Variants in CAPRIN2 observed in about 807,000 individuals in gnomAD.
CAPRIN2 encodes caprin family member 2.
A neutral mutation model predicts 130.4 loss-of-function variants in CAPRIN2; 66 were observed. That is an observed-to-expected ratio of 0.51 (90% CI 0.42 to 0.62). The LOEUF is 0.62. Among genes scored for constraint, CAPRIN2 ranks in the 20% least tolerant of loss-of-function variants. The probability of loss-of-function intolerance (pLI) is 0.00; values close to 1 mark genes in which losing one functional copy is unlikely to be tolerated. For synonymous variants in CAPRIN2, 471 were observed against 444.1 expected, an observed-to-expected ratio of 1.06 and a Z score of -0.76; for missense variants, 1,185 against 1,246.6, an observed-to-expected ratio of 0.95 and a Z score of 0.74.
At chr12:30,716,698 G>T in intron 12 of CAPRIN2, 22 bp from the exon 15 acceptor site, 1 of 1,604,004 alleles carries the variant, frequency 6.2e-7, no homozygotes, top group South Asian at 1.1e-5. Context: ...AGGACACACT[G>T]AGTCATTTGG....
chr12:30,741,106 C>T (rs1268811209), exon 3 of CAPRIN2: 1 of 1,586,456 alleles, frequency 6.3e-7, no homozygotes, highest in Non-Finnish European at 8.6e-7. Flanking sequence ...TCTACAGCTT[C>T]CTACCAAATA....
At chr12:30,754,680 C>A (rs1026750861), upstream of CAPRIN2, 2 of 152,712 alleles carry the variant, frequency 1.3e-5, no homozygotes, top group African/African-American at 4.8e-5. Context: ...GCCGCCCAGA[C>A]CTGCCCACCC....
Position 30,727,005 on chromosome 12 carries a change from GCTAT to G in CAPRIN2, c.1783-921_1783-918del, listed in dbSNP as rs1171972811. 5.3e-5 allele frequency among the ~76,000 whole-genome samples: 8 copies of G among 152,066 alleles called. No homozygotes were observed. In the East Asian group the frequency reaches 1.5e-3, roughly 29 times the overall value. ...AAAAACCCTACAACTTCAATATAAC[GCTAT>G]CTGTCCCACAAAAGCAAATTAAATA... On this transcript the variant is annotated intron_variant, in intron 8 of 16. Transcript: ENST00000298892.
At chr12:30,723,297 G>C in exon 11 of CAPRIN2, 1 of 1,612,076 alleles carries the variant, frequency 6.2e-7, no homozygotes, top group Non-Finnish European at 8.5e-7. Context: ...TGACTGGACA[G>C]ATTTTGTTCT....
At chr12:30,722,307 G>A (rs536547287) in intron 11 of CAPRIN2, among the ~76,000 whole-genome samples, 4 of 152,226 alleles carry the variant, frequency 2.6e-5, no homozygotes, top group African/African-American at 9.6e-5. Context: ...CATCCAGGAA[G>A]CTTTTAAAAA....
chr12:30,753,448 A>C lies in CAPRIN2; in HGVS notation c.316T>G (p.Ser106Ala), dbSNP rs777538120. The C allele has an allele frequency of 3.0e-5, 48 of 1,614,022 alleles. 1 individual carries two copies. In the South Asian group the frequency reaches 5.2e-4, roughly 17 times the overall value. ...GGAGATGCAGCAGAACTCAGAGTAG[A>C]CTGCAGGGGGCTCAAGGCCCGCTGG... Residue 106 changes from serine to alanine, a missense_variant, in exon 1 of 17, where the codon TCT becomes GCT. Around this residue, in one of 2 missense-constraint regions of CAPRIN2, gnomAD observed 1,104 missense variants for 1,104.3 expected, o/e 1.00. Coordinates refer to ENST00000298892, the Ensembl canonical transcript of CAPRIN2.
chr12:30,715,424 C>T lies in CAPRIN2; in HGVS notation c.2318-283G>A, dbSNP rs184899885. On this transcript the variant is annotated intron_variant, in intron 13 of 16. Coordinates refer to ENST00000298892, the Ensembl canonical transcript of CAPRIN2. ...GTAAAATAAGCTAGTTTCAAAAGCA[C>T]AAATATTGTATACCACTTATATGAG... The T allele has an allele frequency of 2.7e-3, 1,402 of 513,242 alleles. 5 individuals carry two copies. Among genetic ancestry groups the T allele is most frequent in the Admixed American group, 4.8e-3 (214 of 44,420 alleles). The allele number at this position is 513,242 out of a possible 1,614,324, so 31.8% of individuals were successfully genotyped here. A position where few individuals can be genotyped will look rare whatever the true frequency, so the allele number is the denominator to read the frequency against.
At chr12:30,722,894 ACT>A (rs1409346268) in intron 11 of CAPRIN2, among the ~76,000 whole-genome samples, 1 of 152,090 alleles carries the variant, frequency 6.6e-6, no homozygotes, top group Non-Finnish European at 1.5e-5. Flanking sequence ...ACAGAGTGAG[ACT>A]CTGTCTCAAT....
chr12:30,721,825 T>C (rs929004180), intron 11 of CAPRIN2, among the ~76,000 whole-genome samples: 1 of 152,202 alleles, frequency 6.6e-6, no homozygotes, highest in Non-Finnish European at 1.5e-5. Flanking sequence ...AGACTGGGGA[T>C]TGAGTTTTAA....
chr12:30,728,570 A>AG, intron 8 of CAPRIN2, 78 bp downstream of exon 9: 1 of 1,245,214 alleles, frequency 8.0e-7, no homozygotes, highest in Non-Finnish European at 1.1e-6. Flanking sequence ...AAAAAAAAAA[A>AG]GAGAACTAAA....
rs1389660563 is a variant in CAPRIN2, at chr12:30,711,586, C to T, written c.2645G>A (p.Gly882Asp). 2.5e-6 allele frequency: 4 copies of T among 1,613,716 alleles called. No individual in the cohort carries two copies. Among genetic ancestry groups the T allele is most frequent in the Non-Finnish European group, 3.4e-6 (4 of 1,179,654 alleles). ...CTTACCTCTCGAATTTGCTCGTGGA[C>T]CACCAGATGTCCCTCCTCGCTTATA... is the stretch of plus-strand genomic sequence containing the variant. The change falls in exon 16 of 17, where the codon GGT becomes GAT. Residue 882 changes from glycine (G) to aspartate (D), a missense_variant. By Grantham distance (94) the Gly-to-Asp change is moderately conservative. This residue lies in a region of CAPRIN2 where 1,104 missense variants were observed against 1,104.3 expected (regional missense o/e 1.00). Coordinates refer to ENST00000298892, the Ensembl canonical transcript of CAPRIN2.
chr12:30,738,503 A>G (rs1364898424), intron 3 of CAPRIN2, among the ~76,000 whole-genome samples: 1 of 152,218 alleles, frequency 6.6e-6, no homozygotes, highest in Non-Finnish European at 1.5e-5. Context: ...ACTGGCAAAG[A>G]TTTTGTAACA....
Position 30,730,224 on chromosome 12 carries a change from C to CT in CAPRIN2, c.1104+14dup. On this transcript the variant is annotated intron_variant, in intron 7 of 16. Transcript: ENST00000298892. ...TGAAAAATCAACATCAGCAAATTGTCTTTCAGTATCTTACCTCTTGTGGTT... is the reference window on the plus strand; with the variant it reads ...TGAAAAATCAACATCAGCAAATTGTCTTTTCAGTATCTTACCTCTTGTGGTT... The CT allele has an allele frequency of 1.2e-6, 2 of 1,603,514 alleles. No individual in the cohort carries two copies. Among genetic ancestry groups the CT allele is most frequent in the Non-Finnish European group, 1.7e-6 (2 of 1,170,644 alleles).
At chr12:30,749,686 T>C (rs1042228720) in intron 2 of CAPRIN2, among the ~76,000 whole-genome samples, 1 of 152,112 alleles carries the variant, frequency 6.6e-6, no homozygotes, top group Non-Finnish European at 1.5e-5. Context: ...AGGAGCAGGT[T>C]TTGGGGAACA....
chr12:30,720,532 G>T (rs1216312166), intron 12 of CAPRIN2: 1 of 235,022 alleles, frequency 4.3e-6, no homozygotes, highest in Non-Finnish European at 8.4e-6. Context: ...AAATATAGTG[G>T]AAAACTTGAC....
At chr12:30,723,573 A>G (rs2060037500) in intron 10 of CAPRIN2, among the ~76,000 whole-genome samples, 1 of 152,212 alleles carries the variant, frequency 6.6e-6, no homozygotes, top group Middle Eastern at 3.2e-3. Context: ...TTCCAAAAGA[A>G]AAGAACTAAG....
chr12:30,716,733 G>A, intron 12 of CAPRIN2, 57 bp from the exon 15 acceptor site: 4 of 1,525,458 alleles, frequency 2.6e-6, no homozygotes, highest in Non-Finnish European at 3.6e-6. Context: ...AATGCTTAAG[G>A]GTGGTATCCA....
chr12:30,740,224 A>G (rs549234120), intron 3 of CAPRIN2, among the ~76,000 whole-genome samples: 3 of 152,268 alleles, frequency 2.0e-5, no homozygotes, highest in Non-Finnish European at 2.9e-5. Context: ...AATTATGATC[A>G]CACCACTGCA....
At chr12:30,748,812 A>G (rs1335687252) in intron 2 of CAPRIN2, among the ~76,000 whole-genome samples, 1 of 152,184 alleles carries the variant, frequency 6.6e-6, no homozygotes, top group Admixed American at 6.5e-5. Context: ...GTAAATCTAT[A>G]TGTAATAAAT....
Sources: allele counts gnomAD v4.1 joint callset (sites outside exome capture counted in the v4.1 genomes callset), GRCh38; gene constraint gnomAD v4.1.1; regional missense constraint gnomAD v4.1.1; transcripts MANE v1.5; gene names NCBI Gene and HGNC (gene_info 2026-07-23, HGNC 2026-07-21).